The following FHIT variants were observed in gnomAD, a reference collection of about 807,000 sequenced individuals.
The protein encoded by FHIT is bis(5'-adenosyl)-triphosphatase.
FHIT carries 19 observed loss-of-function variants against 17.9 expected under a neutral mutation model. The ratio of observed to expected loss-of-function variants is 1.06; its 90% CI spans 0.74 to 1.56. The LOEUF (loss-of-function observed/expected upper bound fraction) is 1.56. FHIT is among the 40% of genes most tolerant of loss of function. FHIT has a pLI of 0.00. For missense variants in FHIT, 248 were observed against 189.2 expected (o/e 1.31, Z -1.82); for synonymous variants, 81 against 69.7 (o/e 1.16, Z -0.81).
intron 3 of FHIT, among the ~76,000 whole-genome samples, chr3:60,930,750 C>T (rs1484464106): frequency 1.3e-5 from 2 of 152,126 alleles, no homozygotes; most frequent in Non-Finnish European, 2.9e-5. Flanking sequence ...AATAGGAACA[C>T]TTTTACACTG....
chr3:60,579,950 T>G (rs1004288986), intron 4 of FHIT, among the ~76,000 whole-genome samples: 3 of 152,200 alleles, frequency 2.0e-5, no homozygotes, highest in Admixed American at 2.0e-4. Flanking sequence ...CATGAGTCAT[T>G]TGAGTAATGA....
intron 5 of FHIT, among the ~76,000 whole-genome samples, chr3:60,048,681 G>T (rs1575974247): frequency 6.6e-6 from 1 of 152,104 alleles, no homozygotes; most frequent in African/African-American, 2.4e-5. Context: ...CCTTATTTTG[G>T]ATCTTTCCAC....
chr3:60,435,494 T>C (rs2030140793), intron 5 of FHIT, among the ~76,000 whole-genome samples: 1 of 152,010 alleles, frequency 6.6e-6, no homozygotes. Flanking sequence ...ACACGTCTGC[T>C]GAAATATCAA....
chr3:61,246,082 CA>C (rs2040480718), intron 1 of FHIT, among the ~76,000 whole-genome samples: 1 of 152,198 alleles, frequency 6.6e-6, no homozygotes, highest in South Asian at 2.1e-4. Context: ...ATACTCCCTC[CA>C]GCGCCATGAC....
At chr3:61,055,462 C>T (rs2034183711) in intron 2 of FHIT, among the ~76,000 whole-genome samples, 1 of 152,140 alleles carries the variant, frequency 6.6e-6, no homozygotes, top group Non-Finnish European at 1.5e-5. Flanking sequence ...AATTCAGTTC[C>T]CAAAGCTTAT....
intron 3 of FHIT, among the ~76,000 whole-genome samples, chr3:60,839,956 TA>T (rs112074328): frequency 1.3e-5 from 2 of 152,086 alleles, no homozygotes. Flanking sequence ...ATTTTTTTTT[TA>T]AAACTGCATG....
intron 4 of FHIT, among the ~76,000 whole-genome samples, chr3:60,718,027 T>G (rs2041726544): frequency 6.6e-6 from 1 of 152,250 alleles, no homozygotes; most frequent in Non-Finnish European, 1.5e-5. Flanking sequence ...TCTGTTGTTA[T>G]ATTTGTTTTC....
intron 3 of FHIT, among the ~76,000 whole-genome samples, chr3:61,004,552 C>T (rs1055374404): frequency 1.1e-4 from 17 of 152,198 alleles, no homozygotes; most frequent in Non-Finnish European, 7.4e-5. Context: ...CTGACCAGAA[C>T]TTGGAAAGAG....
At chr3:60,275,294 G>A (rs1218374459) in intron 5 of FHIT, among the ~76,000 whole-genome samples, 1 of 151,344 alleles carries the variant, frequency 6.6e-6, no homozygotes, top group Non-Finnish European at 1.5e-5. Context: ...TACTCACCAG[G>A]GCTTATTTCA....
chr3:59,945,603 T>C (rs1174532876), intron 7 of FHIT, among the ~76,000 whole-genome samples: 3 of 152,042 alleles, frequency 2.0e-5, no homozygotes, highest in Admixed American at 6.6e-5. Context: ...CCAGAGACCG[T>C]GTACAGAATG....
intron 7 of FHIT, among the ~76,000 whole-genome samples, chr3:59,944,636 A>G (rs1446466227): frequency 6.6e-6 from 1 of 152,156 alleles, no homozygotes; most frequent in Non-Finnish European, 1.5e-5. Context: ...GGTAACAGGC[A>G]TAGTACCCAA....
chr3:61,239,560 C>T (rs56174846), intron 1 of FHIT, among the ~76,000 whole-genome samples: 5,745 of 151,908 alleles, frequency 0.038, 124 homozygotes, highest in Admixed American at 0.064. Flanking sequence ...ATCACAGTAT[C>T]TTATAATCTT....
At chr3:61,190,480 G>C (rs940871412) in intron 2 of FHIT, among the ~76,000 whole-genome samples, 11 of 152,178 alleles carry the variant, frequency 7.2e-5, no homozygotes, top group African/African-American at 1.4e-4. Context: ...TACACTGTTG[G>C]TGGGACTGTA....
chr3:60,831,649 T>G (rs1702333397), intron 3 of FHIT, among the ~76,000 whole-genome samples: 1 of 152,186 alleles, frequency 6.6e-6, no homozygotes, highest in Non-Finnish European at 1.5e-5. Flanking sequence ...TATGGAACAC[T>G]TAGTATGCCA....
chr3:60,376,913 C>A (rs1251663847), intron 5 of FHIT, among the ~76,000 whole-genome samples: 1 of 152,196 alleles, frequency 6.6e-6, no homozygotes, highest in Non-Finnish European at 1.5e-5. Flanking sequence ...CCAGAGAACA[C>A]TGGTTATAAT....
intron 4 of FHIT, among the ~76,000 whole-genome samples, chr3:60,626,618 C>T (rs112445834): frequency 0.011 from 1,662 of 152,016 alleles, 38 homozygotes; most frequent in African/African-American, 0.038. Context: ...TTAAGATCTT[C>T]TATATATAAG....
chr3:60,308,067 A>G (rs1463147051), intron 5 of FHIT, among the ~76,000 whole-genome samples: 2 of 152,178 alleles, frequency 1.3e-5, no homozygotes, highest in African/African-American at 4.8e-5. Context: ...AACAACGGAC[A>G]GTAATCGTGC....
chr3:59,990,369 T>A (rs1220329803), intron 7 of FHIT, among the ~76,000 whole-genome samples: 1 of 152,076 alleles, frequency 6.6e-6, no homozygotes, highest in Non-Finnish European at 1.5e-5. Flanking sequence ...TGGATTTGTA[T>A]CAGTTGCTGG....
chr3:60,572,891 C>A (rs2037435005), intron 4 of FHIT, among the ~76,000 whole-genome samples: 1 of 152,158 alleles, frequency 6.6e-6, no homozygotes, highest in Non-Finnish European at 1.5e-5. Context: ...CAACAACCTC[C>A]CTGTACTGAG....
Sources: allele counts gnomAD v4.1 joint callset (sites outside exome capture counted in the v4.1 genomes callset), GRCh38; gene constraint gnomAD v4.1.1; transcripts MANE v1.5; gene names NCBI Gene and HGNC (gene_info 2026-07-23, HGNC 2026-07-21).